Variants in SEC24A observed in about 807,000 individuals in gnomAD.
The protein encoded by SEC24A is protein transport protein Sec24A.
In SEC24A, 93 loss-of-function variants were observed where a neutral mutation model predicts 129.4. That is an observed-to-expected ratio of 0.72 (90% CI 0.61 to 0.85). SEC24A has a LOEUF of 0.85. SEC24A is among the 40% of genes least tolerant of loss of function. SEC24A has a pLI of 0.00. For missense variants in SEC24A, 1,264 were observed against 1,307.4 expected (o/e 0.97, Z 0.51); for synonymous variants, 460 against 467.3 (o/e 0.98, Z 0.20).
chr5:134,699,588 C>T (rs535378338), intron 15 of SEC24A, among the ~76,000 whole-genome samples: 23 of 152,002 alleles, frequency 1.5e-4, no homozygotes, highest in Non-Finnish European at 2.6e-4. Context: ...CATGAGCTAC[C>T]GCACCTGGCC....
chr5:134,648,733 C>T (rs1283580628), upstream of SEC24A: 2 of 177,136 alleles, frequency 1.1e-5, no homozygotes, highest in Non-Finnish European at 2.4e-5. Context: ...GAGCCCGGAG[C>T]CGGAAGTGCC....
At chr5:134,669,385 C>G (rs1490486721) in intron 3 of SEC24A, among the ~76,000 whole-genome samples, 1 of 151,724 alleles carries the variant, frequency 6.6e-6, no homozygotes, top group Non-Finnish European at 1.5e-5. Flanking sequence ...AGGCTGGTCT[C>G]GAACTCCTGA....
chr5:134,669,564 C>G (rs1029861578), intron 3 of SEC24A, among the ~76,000 whole-genome samples: 11 of 151,838 alleles, frequency 7.2e-5, no homozygotes, highest in African/African-American at 2.7e-4. Context: ...GCAACCTCCG[C>G]TCCCGGGTTC....
At chr5:134,671,942 TATGTG>T in intron 4 of SEC24A, 56 bp downstream of exon 4, 1 of 1,047,966 alleles carries the variant, frequency 9.5e-7, no homozygotes, top group Non-Finnish European at 1.5e-6. Context: ...ATAGAAATAA[TATGTG>T]GTAATTGTAC....
At position 134,682,388 on chromosome 5, in the gene SEC24A, T is replaced by C; in HGVS notation, c.1397T>C (p.Leu466Ser). 1 of 1,586,510 alleles carries C rather than the reference T, an allele frequency of 6.3e-7. No homozygotes were observed. Among genetic ancestry groups the C allele is most frequent in the Non-Finnish European group, 8.6e-7 (1 of 1,157,598 alleles). ...CTTTATATAGTTCCTGAAGAATTCT[T>C]GTACAACCCTTTGACCAGAGTTTAT... is the stretch of plus-strand genomic sequence containing the variant. ...YRVNDVPEEFLYNPLTRVYGE... is the reference protein window; with the variant it reads ...YRVNDVPEEFSYNPLTRVYGE... Residue 466 changes from leucine to serine, a missense_variant, in exon 9 of 23, where the codon TTG becomes TCG. By Grantham distance (145) the Leu-to-Ser change is moderately radical. Transcript: ENST00000398844.
At chr5:134,675,431 A>G (rs1751027074) in intron 6 of SEC24A, among the ~76,000 whole-genome samples, 1 of 152,180 alleles carries the variant, frequency 6.6e-6, no homozygotes, top group Non-Finnish European at 1.5e-5. Context: ...TTTTGTTCTT[A>G]TCAGCTCTAA....
intron 1 of SEC24A, among the ~76,000 whole-genome samples, chr5:134,650,099 T>G (rs1182410572): frequency 1.3e-5 from 2 of 152,190 alleles, no homozygotes; most frequent in Non-Finnish European, 2.9e-5. Flanking sequence ...TAATTTACAT[T>G]GTTTTTAGAG....
intron 21 of SEC24A, among the ~76,000 whole-genome samples, chr5:134,723,188 G>A (rs1284950759): frequency 5.3e-5 from 8 of 151,356 alleles, no homozygotes; most frequent in Admixed American, 1.3e-4. Flanking sequence ...GAAGTAGACC[G>A]GGCACTGTGG....
At chr5:134,712,255 C>CTT (rs1204723447) in intron 18 of SEC24A, among the ~76,000 whole-genome samples, 1 of 145,126 alleles carries the variant, frequency 6.9e-6, no homozygotes. Flanking sequence ...GTTCTCATTT[C>CTT]TTTTTTTTTT....
chr5:134,664,620 A>T (rs1013204379), intron 2 of SEC24A, among the ~76,000 whole-genome samples: 3 of 152,068 alleles, frequency 2.0e-5, no homozygotes, highest in Non-Finnish European at 2.9e-5. Context: ...TGAGTTGGCC[A>T]TGTACCTTGC....
At chr5:134,695,757 C>T (rs1328351157) in intron 13 of SEC24A, among the ~76,000 whole-genome samples, 1 of 150,864 alleles carries the variant, frequency 6.6e-6, no homozygotes, top group Admixed American at 6.6e-5. Context: ...CCAGCCTGAG[C>T]GACAGAGTGA....
intron 1 of SEC24A, among the ~76,000 whole-genome samples, chr5:134,655,592 C>A (rs1052586646): frequency 6.6e-6 from 1 of 152,040 alleles, no homozygotes; most frequent in East Asian, 1.9e-4. Context: ...CACTTGAACC[C>A]GAGAGGTGGA....
At chr5:134,675,812 CTA>C (rs1751039488) in intron 6 of SEC24A, among the ~76,000 whole-genome samples, 1 of 152,070 alleles carries the variant, frequency 6.6e-6, no homozygotes, top group South Asian at 2.1e-4. Flanking sequence ...CAAAAAGAGA[CTA>C]TATTTTAGTT....
intron 3 of SEC24A, among the ~76,000 whole-genome samples, chr5:134,668,878 T>C (rs1339553400): frequency 6.6e-6 from 1 of 151,192 alleles, no homozygotes; most frequent in Non-Finnish European, 1.5e-5. Context: ...AGCAAGACTC[T>C]GTCTCAAAAA....
chr5:134,707,621 G>T (rs903419544), intron 17 of SEC24A, among the ~76,000 whole-genome samples: 1 of 152,064 alleles, frequency 6.6e-6, no homozygotes, highest in African/African-American at 2.4e-5. Context: ...GAGCCACCGC[G>T]CCTGGCCTAT....
At chr5:134,667,743 TA>T (rs1750717730) in intron 3 of SEC24A, among the ~76,000 whole-genome samples, 1 of 148,856 alleles carries the variant, frequency 6.7e-6, no homozygotes, top group South Asian at 2.1e-4. Flanking sequence ...TGAAACTAAA[TA>T]AAAGTCATTT....
upstream of SEC24A, chr5:134,648,631 G>A (rs1749936053): frequency 6.5e-6 from 1 of 153,232 alleles, no homozygotes; most frequent in South Asian, 2.0e-4. Context: ...GCCGGGCACG[G>A]TCGTCGGGGT....
chr5:134,674,766 C>G lies in SEC24A; in HGVS notation c.969C>G (p.Ala323=). ...SSLNYPSGPQ[A]FTQTPLGANH... ...TGAATTACCCAAGTGGGCCACAAGC[C>G]TTTACTCAGGTAAACTTTTTGGGAT... The change falls in exon 5 of 23, where the codon GCC becomes GCG. Residue 323 remains alanine, a synonymous_variant. Coordinates refer to ENST00000398844, the MANE Select transcript of SEC24A (RefSeq NM_021982.3). The G allele has an allele frequency of 6.2e-7, 1 of 1,611,962 alleles. No individual in the cohort carries two copies. Among genetic ancestry groups the G allele is most frequent in the South Asian group, 1.1e-5 (1 of 90,534 alleles).
rs781427695 is a variant in SEC24A, at chr5:134,721,042, C to T, written c.3015C>T (p.Leu1005=). 1 of 1,612,974 alleles carries T rather than the reference C, an allele frequency of 6.2e-7. No individual in the cohort carries two copies. Among genetic ancestry groups the T allele is most frequent in the Admixed American group, 1.7e-5 (1 of 59,994 alleles). The stretch of plus-strand genomic sequence containing the variant: ...GAAAAAATTGTACACAGAATTTTCT[C>T]AGCCAAGTTCTAGGAGTTCAAAACT... ...WVGKNCTQNF[L]SQVLGVQNYA... is the part of the protein sequence containing the mutation. Residue 1005 remains leucine (L), a synonymous_variant, in exon 21 of 23, where the codon CTC becomes CTT. Transcript: ENST00000398844.
Sources: gnomAD v4.1 joint callset for allele counts (sites outside exome capture counted in the v4.1 genomes callset) on GRCh38, gnomAD v4.1.1 for gene constraint, MANE v1.5 for transcripts, NCBI Gene and HGNC (gene_info 2026-07-23, HGNC 2026-07-21) for gene names.